FBLN2: variants seen among roughly 807,000 people sequenced by gnomAD.
The protein encoded by FBLN2 is fibulin 2.
Under a neutral mutation model 123.7 loss-of-function variants are expected in FBLN2, and 81 were observed. The ratio of observed to expected loss-of-function variants is 0.65; its 90% CI spans 0.55 to 0.79. The LOEUF (loss-of-function observed/expected upper bound fraction) is 0.79, where lower values mean the gene tolerates loss of function less well. Among genes scored for constraint, FBLN2 ranks in the 30% least tolerant of loss-of-function variants. The pLI is 0.00. For missense variants in FBLN2, 1,603 were observed against 1,681.3 expected (o/e 0.95, Z 0.81); for synonymous variants, 699 against 701.4 (o/e 1.00, Z 0.05).
At chr3:13,561,459 C>T (rs1345378570) in intron 1 of FBLN2, among the ~76,000 whole-genome samples, 4 of 147,572 alleles carry the variant, frequency 2.7e-5, no homozygotes, top group Non-Finnish European at 6.0e-5. Flanking sequence ...CTTTGTGCTG[C>T]TCACTTCCCA....
chr3:13,567,381 G>A (rs551124160), intron 1 of FBLN2, among the ~76,000 whole-genome samples: 25 of 152,234 alleles, frequency 1.6e-4, no homozygotes, highest in East Asian at 1.9e-4. Context: ...GTTTTGAGAC[G>A]GGGTCTCCCT....
chr3:13,629,194 G>T lies in FBLN2; in HGVS notation c.2744G>T (p.Arg915Leu), dbSNP rs377251898. ...AATGAGTGTGAGACAGGTGTGCACC[G>T]CTGCGGTGAGGGCCAAGTGTGCCAC... ...DVNECETGVH[R>L]CGEGQVCHNL... The change falls in exon 13 of 18, where the codon CGC becomes CTC. Residue 915 changes from arginine to leucine, a missense_variant. By Grantham distance (102) the Arg-to-Leu change is moderately radical (BLOSUM62 -2). Transcript: ENST00000404922. The T allele has an allele frequency of 1.2e-6, 2 of 1,613,304 alleles. No individual in the cohort carries two copies. The highest frequency in any genetic ancestry group is 1.7e-6 in the Non-Finnish European group (2 of 1,179,752).
Position 13,570,576 on chromosome 3 carries a change from T to C in FBLN2, c.221T>C (p.Leu74Pro). ...GAGGGCTACCAGTACTATGACTGCCTACAGGGTGGCTTCGTGCGCGGCCGC... is the reference window on the plus strand; with the variant it reads ...GAGGGCTACCAGTACTATGACTGCCCACAGGGTGGCTTCGTGCGCGGCCGC... ...ACEGYQYYDCLQGGFVRGRVP... is the reference protein window; with the variant it reads ...ACEGYQYYDCPQGGFVRGRVP... Residue 74 changes from leucine (L) to proline (P), a missense_variant, in exon 2 of 18, where the codon CTA becomes CCA. Coordinates refer to ENST00000404922, the MANE Select transcript of FBLN2 (RefSeq NM_001004019.2). 1 of 1,587,546 alleles carries C rather than the reference T, an allele frequency of 6.3e-7. No homozygotes were observed.
chr3:13,575,018 G>A (rs1704090228), intron 2 of FBLN2, among the ~76,000 whole-genome samples: 1 of 152,238 alleles, frequency 6.6e-6, no homozygotes, highest in African/African-American at 2.4e-5. Context: ...TCGCAGCCTT[G>A]GCTCAGTGAG....
At chr3:13,619,685 AGGCCAG>A in intron 7 of FBLN2, 39 bp from the exon 8 acceptor site, 1 of 1,557,688 alleles carries the variant, frequency 6.4e-7, no homozygotes, top group Non-Finnish European at 8.8e-7. Flanking sequence ...GTGTGGACCA[AGGCCAG>A]GGCCTGGTGG....
intron 2 of FBLN2, among the ~76,000 whole-genome samples, chr3:13,594,178 G>A (rs1301561382): frequency 6.6e-6 from 1 of 152,198 alleles, no homozygotes; most frequent in South Asian, 2.1e-4. Flanking sequence ...CCCAGTGGGT[G>A]GGTAGGATAC....
chr3:13,566,983 G>A lies in FBLN2; in HGVS notation c.-41-3332G>A, dbSNP rs575683150. ...GGGCCAGGGCCGTGCCTGGGGTTGC[G>A]CAGCAAATGTGGAAAATGCAGAGTC... On this transcript the variant is annotated intron_variant, in intron 1 of 17. Transcript: ENST00000404922. Among the ~76,000 whole-genome samples, 24 of 152,384 alleles carry A rather than the reference G, an allele frequency of 1.6e-4. 1 individual carries two copies. In the South Asian group the frequency reaches 3.5e-3, roughly 22 times the overall value.
chr3:13,637,164 C>G (rs764282041), intron 17 of FBLN2, among the ~76,000 whole-genome samples: 3 of 152,052 alleles, frequency 2.0e-5, no homozygotes, highest in Non-Finnish European at 2.9e-5. Flanking sequence ...CGGCCCGGCA[C>G]TTGGGAGGGA....
intron 16 of FBLN2, among the ~76,000 whole-genome samples, chr3:13,635,023 G>A (rs1442515748): frequency 1.3e-5 from 2 of 152,124 alleles, no homozygotes; most frequent in African/African-American, 4.8e-5. Flanking sequence ...CCAGATTTTG[G>A]CATCAGGCAT....
At chr3:13,597,991 C>T (rs566084446) in intron 2 of FBLN2, among the ~76,000 whole-genome samples, 6 of 152,322 alleles carry the variant, frequency 3.9e-5, no homozygotes, top group East Asian at 1.9e-4. Flanking sequence ...TGCTGAGAAC[C>T]GGCAGGTGGG....
rs1364443871 is a variant in FBLN2 at position 13,618,889 on chromosome 3, C to G, written c.1940-15C>G. The G allele has an allele frequency of 6.2e-7, 1 of 1,603,548 alleles. No individual in the cohort carries two copies. Among genetic ancestry groups the G allele is most frequent in the East Asian group, 2.2e-5 (1 of 44,610 alleles). ...AGACCTCCCTGCAACCCCCACTCTG[C>G]TCTACCCATGACAGAGGGTCACCCT... On this transcript the variant is annotated splice_polypyrimidine_tract_variant and intron_variant, in intron 6 of 17. Transcript: ENST00000404922.
chr3:13,606,674 G>A (rs1705214963), intron 2 of FBLN2, among the ~76,000 whole-genome samples: 2 of 151,298 alleles, frequency 1.3e-5, no homozygotes, highest in Non-Finnish European at 2.9e-5. Flanking sequence ...TTTTTGAGAT[G>A]GAGTTTCACT....
At chr3:13,609,686 G>C in intron 4 of FBLN2, 44 bp downstream of exon 4, 3 of 522,020 alleles carry the variant, frequency 5.7e-6, no homozygotes, top group Non-Finnish European at 1.1e-5. Context: ...GGGTGGGGCG[G>C]GGCGGGAGGC....
intron 1 of FBLN2, among the ~76,000 whole-genome samples, chr3:13,549,511 C>G (rs1486056065): frequency 2.6e-5 from 4 of 151,890 alleles, no homozygotes; most frequent in Non-Finnish European, 5.9e-5. Flanking sequence ...TTCCTCCGCT[C>G]TGGGTTTCAC....
Position 13,636,490 on chromosome 3 carries a change from A to G in FBLN2, c.3260A>G (p.Glu1087Gly). The change falls in exon 17 of 18, where the codon GAG becomes GGG. Residue 1087 changes from glutamate (E) to glycine (G), a missense_variant. Glu to Gly is a moderately conservative substitution (Grantham distance 98). Transcript: ENST00000404922. ...ALGTHNCSEA[E>G]TCHNIQGSFR... ...GGTACCCACAACTGTTCCGAGGCTG[A>G]GACCTGCCACAACATCCAGGGTAGC... 6.2e-7 allele frequency: 1 copy of G among 1,613,594 alleles called. No individual in the cohort carries two copies. The highest frequency in any genetic ancestry group is 8.5e-7 in the Non-Finnish European group (1 of 1,179,704).
At chr3:13,575,692 G>A (rs1195996834) in intron 2 of FBLN2, among the ~76,000 whole-genome samples, 2 of 152,100 alleles carry the variant, frequency 1.3e-5, no homozygotes, top group African/African-American at 4.8e-5. Context: ...AGGCAGGACT[G>A]GGGGCCAGGG....
At position 13,614,302 on chromosome 3, in the gene FBLN2, G is replaced by C. The variant is rs188706245; in HGVS notation, c.1729+138G>C. 5 of 866,902 alleles carry C rather than the reference G, an allele frequency of 5.8e-6. No homozygotes were observed. In the East Asian group the frequency reaches 1.4e-4, roughly 24 times the overall value. 53.7% of individuals were successfully genotyped at this position (866,902 alleles called of 1,614,324 possible). ...CTCTAAACAGAGTTCTGAGGATGGTGATTTCATTGTTTTCTGTGGACTACC... is the reference window on the plus strand; with the variant it reads ...CTCTAAACAGAGTTCTGAGGATGGTCATTTCATTGTTTTCTGTGGACTACC... On this transcript the variant is annotated intron_variant, in intron 5 of 17. Transcript: ENST00000404922.
intron 16 of FBLN2, among the ~76,000 whole-genome samples, chr3:13,633,240 CTGCCCGGGCT>C (rs1559429293): frequency 6.6e-6 from 1 of 152,274 alleles, no homozygotes. Context: ...CGCTTCTCTC[CTGCCCGGGCT>C]TGCCCGCCAC....
At chr3:13,634,593 A>G (rs1217623727) in intron 16 of FBLN2, among the ~76,000 whole-genome samples, 1 of 152,258 alleles carries the variant, frequency 6.6e-6, no homozygotes, top group South Asian at 2.1e-4. Flanking sequence ...TGTGGAGTCC[A>G]CGAGTGAATA....
Sources: allele counts gnomAD v4.1 joint callset (sites outside exome capture counted in the v4.1 genomes callset), GRCh38; gene constraint gnomAD v4.1.1; transcripts MANE v1.5; gene names NCBI Gene and HGNC (gene_info 2026-07-23, HGNC 2026-07-21).